SUSD1: variants seen among roughly 807,000 people sequenced by gnomAD.
SUSD1 encodes sushi domain containing 1.
Under a neutral mutation model 86.9 loss-of-function variants are expected in SUSD1, and 65 were observed. The observed-to-expected ratio is 0.75, with a 90% CI of 0.61 to 0.92. The LOEUF (loss-of-function observed/expected upper bound fraction) is 0.92. Among genes scored for constraint, SUSD1 ranks in the 40% least tolerant of loss-of-function variants. The probability of loss-of-function intolerance (pLI) is 0.00; values close to 1 mark genes in which losing one functional copy is unlikely to be tolerated. For missense variants in SUSD1, 850 were observed against 929.7 expected, an observed-to-expected ratio of 0.91 and a Z score of 1.11; for synonymous variants, 346 against 350.0, an observed-to-expected ratio of 0.99 and a Z score of 0.13.
intron 5 of SUSD1, among the ~76,000 whole-genome samples, chr9:112,138,267 A>G (rs1486805263): frequency 8.6e-6 from 1 of 116,796 alleles, no homozygotes; most frequent in African/African-American, 3.8e-5. Context: ...GTGTATATAC[A>G]TATATATATA....
chr9:112,080,298 AGTC>A, intron 10 of SUSD1, 133 bp from the exon 11 acceptor site: 1 of 609,948 alleles, frequency 1.6e-6, no homozygotes, highest in African/African-American at 1.8e-5. Context: ...TAGTGGTAGC[AGTC>A]TCAAAGTAAT....
At chr9:112,165,930 GA>G (rs1488731532) in intron 1 of SUSD1, among the ~76,000 whole-genome samples, 12 of 100,568 alleles carry the variant, frequency 1.2e-4, no homozygotes, top group African/African-American at 4.1e-4. Flanking sequence ...AGAAAAGAAA[GA>G]AAGAAAGAAA....
chr9:112,173,681 C>T (rs948124417), intron 1 of SUSD1: 79 of 442,180 alleles, frequency 1.8e-4, no homozygotes, highest in African/African-American at 1.4e-3. Context: ...GTTTCCCAAG[C>T]TTGAGGTGGG....
intron 11 of SUSD1, 65 bp from the exon 12 acceptor site, chr9:112,078,789 T>G: frequency 7.4e-5 from 78 of 1,057,278 alleles, no homozygotes; most frequent in Middle Eastern, 3.0e-4. Flanking sequence ...CCTTGAAACC[T>G]CCCCTTTTCC....
chr9:112,054,531 G>A (rs1589581856), intron 14 of SUSD1, among the ~76,000 whole-genome samples: 1 of 151,738 alleles, frequency 6.6e-6, no homozygotes, highest in Non-Finnish European at 1.5e-5. Context: ...AGGCTGCAGT[G>A]AGCCATGATT....
At chr9:112,041,529 G>A (rs777588435) in intron 16 of SUSD1, 37 bp from the exon 17 acceptor site, 1 of 780,954 alleles carries the variant, frequency 1.3e-6, no homozygotes, top group South Asian at 1.3e-5. Context: ...AGACAAATAT[G>A]AACACACTTT....
intron 5 of SUSD1, among the ~76,000 whole-genome samples, chr9:112,131,249 T>A (rs1294121214): frequency 6.6e-6 from 1 of 152,210 alleles, no homozygotes; most frequent in Non-Finnish European, 1.5e-5. Flanking sequence ...GGCCCTGACT[T>A]GGTTCTCTAA....
chr9:112,153,264 CT>C (rs1833144160), intron 2 of SUSD1, among the ~76,000 whole-genome samples: 1 of 149,254 alleles, frequency 6.7e-6, no homozygotes, highest in African/African-American at 2.5e-5. Context: ...GAGACCCTGG[CT>C]AAAAAAAAAA....
At chr9:112,042,292 T>C in intron 15 of SUSD1, 2 of 770,610 alleles carry the variant, frequency 2.6e-6, no homozygotes, top group Non-Finnish European at 4.1e-6. Flanking sequence ...TCAATTACAT[T>C]TGATAGATTT....
At chr9:112,109,143 G>A (rs897942384) in intron 8 of SUSD1, among the ~76,000 whole-genome samples, 1 of 152,080 alleles carries the variant, frequency 6.6e-6, no homozygotes, top group Non-Finnish European at 1.5e-5. Context: ...GAAAATGTCA[G>A]AAACATAAAC....
intron 14 of SUSD1, among the ~76,000 whole-genome samples, chr9:112,053,871 A>C (rs1828333445): frequency 6.6e-6 from 1 of 152,230 alleles, no homozygotes; most frequent in Non-Finnish European, 1.5e-5. Flanking sequence ...GTGGTAGAAA[A>C]GTGATGTTCA....
intron 5 of SUSD1, among the ~76,000 whole-genome samples, chr9:112,137,533 T>C (rs1359510894): frequency 6.6e-6 from 1 of 152,194 alleles, no homozygotes; most frequent in Admixed American, 6.5e-5. Flanking sequence ...TTAATCTAAG[T>C]TCTGCATTTT....
Position 112,124,271 on chromosome 9 carries a change from G to C in SUSD1, c.872C>G (p.Thr291Ser). The part of the protein sequence containing the change: ...CTEKGTWRES[T>S]LTCTEILTKI... ...AGAATCTGTACCTGTGCATGTTAAA[G>C]TACTTTCTCTCCAGGTGCCTTTCTC... is the stretch of plus-strand genomic sequence containing the variant. The change falls in exon 6 of 17, where the codon ACT becomes AGT. Residue 291 changes from threonine to serine, a missense_variant. Coordinates refer to ENST00000374270, the MANE Select transcript of SUSD1 (RefSeq NM_022486.5). The C allele has an allele frequency of 6.2e-7, 1 of 1,613,574 alleles. No homozygotes were observed. Among genetic ancestry groups the C allele is most frequent in the Non-Finnish European group, 8.5e-7 (1 of 1,179,714 alleles).
intron 12 of SUSD1, among the ~76,000 whole-genome samples, chr9:112,069,697 C>T (rs1829170655): frequency 6.7e-6 from 1 of 149,188 alleles, no homozygotes; most frequent in Non-Finnish European, 1.5e-5. Context: ...CCCCGCCCCG[C>T]CCCCACCAGC....
chr9:112,155,112 G>A lies in SUSD1; in HGVS notation c.217+2388C>T, dbSNP rs1008173548. On this transcript the variant is annotated intron_variant, in intron 2 of 16. Transcript: ENST00000374270. ...CTAAAAATACAAAAATTAGCCGGGCGTGGTGGTGCCCGCCTGTAATCCTAG... is the reference window on the plus strand; with the variant it reads ...CTAAAAATACAAAAATTAGCCGGGCATGGTGGTGCCCGCCTGTAATCCTAG... Among the ~76,000 whole-genome samples, 10 of 152,058 alleles carry A rather than the reference G, an allele frequency of 6.6e-5. No individual in the cohort carries two copies. The East Asian group carries it at 7.7e-4, about 12-fold the overall frequency.
chr9:112,113,375 C>T lies in SUSD1; in HGVS notation c.887-507G>A, dbSNP rs181502434. 5.3e-4 allele frequency among the ~76,000 whole-genome samples: 81 copies of T among 152,342 alleles called. 1 individual carries two copies. Among genetic ancestry groups the T allele is most frequent in the Non-Finnish European group, 9.6e-4 (65 of 68,036 alleles). On this transcript the variant is annotated intron_variant, in intron 6 of 16. Coordinates refer to ENST00000374270, the MANE Select transcript of SUSD1 (RefSeq NM_022486.5). This position sits in a 1 kb window ranked among gnomAD's most constrained non-coding sequence, Gnocchi z 4.1. The stretch of plus-strand genomic sequence containing the variant: ...GGTTGGGGCAAACTAAAGAAATTCT[C>T]CACAAGGTTCCTAGGTACTTCTGGG...
At chr9:112,065,435 G>T (rs1014687157) in intron 12 of SUSD1, among the ~76,000 whole-genome samples, 1 of 152,174 alleles carries the variant, frequency 6.6e-6, no homozygotes, top group Non-Finnish European at 1.5e-5. Context: ...TGAGGCAGGT[G>T]AATTGCTTGA....
chr9:112,103,628 C>G (rs1830716006), intron 8 of SUSD1, among the ~76,000 whole-genome samples: 1 of 152,166 alleles, frequency 6.6e-6, no homozygotes, highest in African/African-American at 2.4e-5. Context: ...CTCCCACTTC[C>G]CACGCCCAAG....
chr9:112,071,665 C>G (rs1048656985), intron 12 of SUSD1, among the ~76,000 whole-genome samples: 3 of 152,124 alleles, frequency 2.0e-5, no homozygotes, highest in African/African-American at 7.2e-5. Context: ...AAAATTTTAT[C>G]TGCATCAAAA....
Sources: gnomAD v4.1 joint callset for allele counts (sites outside exome capture counted in the v4.1 genomes callset) on GRCh38, gnomAD v4.1.1 for gene constraint, Gnocchi (gnomAD v3.1) non-coding constraint, MANE v1.5 for transcripts, NCBI Gene and HGNC (gene_info 2026-07-23, HGNC 2026-07-21) for gene names.